IKZF2: variants seen among roughly 807,000 people sequenced by gnomAD.
IKZF2 encodes the protein zinc finger protein Helios.
Under a neutral mutation model 49.2 loss-of-function variants are expected in IKZF2, and 15 were observed. The observed-to-expected ratio is 0.30, with a 90% confidence interval of 0.20 to 0.47. The LOEUF (loss-of-function observed/expected upper bound fraction) is 0.47, where lower values mean the gene tolerates loss of function less well. Among genes scored for constraint, IKZF2 ranks in the 20% least tolerant of loss-of-function variants. The pLI, the probability that IKZF2 is intolerant of heterozygous loss-of-function variation, is 1.00. For synonymous variants in IKZF2, 227 were observed against 221.4 expected (o/e 1.03, Z -0.23); for missense variants, 567 against 664.6 (o/e 0.85, Z 1.61).
intron 4 of IKZF2, among the ~76,000 whole-genome samples, chr2:213,119,805 G>A (rs2059992244): frequency 6.6e-6 from 1 of 152,158 alleles, no homozygotes. Context: ...TGTGATATCA[G>A]ATTAAAATTG....
intron 7 of IKZF2, chr2:213,014,168 G>T: frequency 3.4e-6 from 1 of 298,032 alleles, no homozygotes. Context: ...TACATACACT[G>T]TTGCCACTAT....
intron 4 of IKZF2, among the ~76,000 whole-genome samples, chr2:213,078,629 C>T (rs998677048): frequency 6.6e-5 from 10 of 152,144 alleles, no homozygotes; most frequent in African/African-American, 2.2e-4. Context: ...TTTTGCTTTG[C>T]CCTCTAAATA....
In IKZF2 at chr2:213,136,383, A is replaced by AG. The variant is rs1232670342; in HGVS notation, c.139+11324_139+11325insC. On this transcript the variant is annotated intron_variant, in intron 4 of 8. Coordinates refer to ENST00000434687, the MANE Select transcript of IKZF2 (RefSeq NM_001387220.1). Reference sequence around the variant, plus strand: ...GGGACACTGTCTCAAAAAAAAAAAAAAAAAAAAAGAAAAAGAAAAAGAAAA... The same window carrying AG: ...GGGACACTGTCTCAAAAAAAAAAAAAGAAAAAAAAGAAAAAGAAAAAGAAAA... Among the ~76,000 whole-genome samples, 36 of 110,514 alleles carry AG rather than the reference A, an allele frequency of 3.3e-4. No homozygotes were observed. In the East Asian group the frequency reaches 3.8e-3, roughly 12 times the overall value. The allele number at this position is 110,514 out of a possible 152,430, so 72.5% of individuals were successfully genotyped here.
chr2:213,022,224 C>A (rs1697307673), intron 6 of IKZF2, 94 bp from the exon 7 acceptor site: 4 of 1,217,230 alleles, frequency 3.3e-6, no homozygotes, highest in Non-Finnish European at 4.4e-6. Flanking sequence ...AGGAAGCACT[C>A]ATATAATTTT....
At position 213,007,157 on chromosome 2, in the gene IKZF2, G is replaced by A. The variant is rs143069210; in HGVS notation, c.*203C>T. On this transcript the variant is annotated 3_prime_UTR_variant, in exon 9 of 9. Coordinates refer to ENST00000434687, the MANE Select transcript of IKZF2 (RefSeq NM_001387220.1). ...CAGGTGATAAAGAAACAATATTCCC[G>A]CCCCTTCTCTCTTCTGTTTCTTCCT... is the stretch of plus-strand genomic sequence containing the variant. 21 of 518,504 alleles carry A rather than the reference G, an allele frequency of 4.1e-5. No individual in the cohort carries two copies. The East Asian group carries it at 4.5e-4, about 11-fold the overall frequency. 32.1% of individuals were successfully genotyped at this position (518,504 alleles called of 1,614,324 possible). A position where few individuals can be genotyped will look rare whatever the true frequency, so the allele number is the denominator to read the frequency against.
chr2:213,117,113 C>T (rs948287009), intron 4 of IKZF2, among the ~76,000 whole-genome samples: 1 of 152,038 alleles, frequency 6.6e-6, no homozygotes, highest in African/African-American at 2.4e-5. Flanking sequence ...TCTGAGTATT[C>T]TGTGCTGAAC....
intron 4 of IKZF2, among the ~76,000 whole-genome samples, chr2:213,129,620 A>G (rs2060405880): frequency 1.3e-5 from 2 of 152,142 alleles, no homozygotes; most frequent in Non-Finnish European, 2.9e-5. Flanking sequence ...TTCTAGTTTC[A>G]GTGGAAAGCT....
chr2:213,124,253 C>CGCGT (rs61480978), intron 4 of IKZF2, among the ~76,000 whole-genome samples: 1 of 24,240 alleles, frequency 4.1e-5, no homozygotes, highest in Non-Finnish European at 9.6e-5. Context: ...CGCGCGCGCG[C>CGCGT]ACACACACAC....
intron 4 of IKZF2, among the ~76,000 whole-genome samples, chr2:213,127,460 T>C (rs544544634): frequency 3.2e-4 from 49 of 152,302 alleles, no homozygotes; most frequent in African/African-American, 1.1e-3. Flanking sequence ...ACTAAGATAC[T>C]ATTTTCCAAA....
At chr2:213,021,734 T>C (rs181401958) in intron 7 of IKZF2, 98 of 530,292 alleles carry the variant, frequency 1.8e-4, no homozygotes, top group African/African-American at 1.7e-3. Context: ...GTTAGAAAAA[T>C]GAAAAAGAAG....
chr2:213,131,982 G>A (rs1348979950), intron 4 of IKZF2, among the ~76,000 whole-genome samples: 2 of 152,164 alleles, frequency 1.3e-5, no homozygotes, highest in Admixed American at 1.3e-4. Flanking sequence ...GTTAGCTTCT[G>A]TGGAAAAGAT....
intron 4 of IKZF2, among the ~76,000 whole-genome samples, chr2:213,126,307 T>C (rs2060256905): frequency 6.6e-6 from 1 of 152,152 alleles, no homozygotes; most frequent in South Asian, 2.1e-4. Context: ...CCTTATGTTA[T>C]GTGTGTTGAT....
chr2:213,056,836 T>C lies in IKZF2; in HGVS notation c.403A>G (p.Thr135Ala), dbSNP rs1313955683. ...NVLMVHKRSHTGERPFHCNQC... is the reference protein window; with the variant it reads ...NVLMVHKRSHAGERPFHCNQC... ...GGTTATTCTTTCAGCTGCTTACCAG[T>C]GTGACTCCTTTTATGTACCATAAGC... Residue 135 changes from threonine (T) to alanine (A), a missense_variant, in exon 5 of 9, where the codon ACT becomes GCT. Physicochemically the swap from Thr to Ala is moderately conservative, Grantham distance 58. This residue lies in a region of IKZF2 where 54 missense variants were observed against 119.9 expected (regional missense o/e 0.45). Transcript: ENST00000434687. The C allele has an allele frequency of 6.2e-7, 1 of 1,613,742 alleles. No individual in the cohort carries two copies. Among genetic ancestry groups the C allele is most frequent in the Admixed American group, 1.7e-5 (1 of 59,956 alleles).
At chr2:213,056,746 T>C (rs559943318) in intron 5 of IKZF2, 87 bp downstream of exon 5, 25 of 1,529,262 alleles carry the variant, frequency 1.6e-5, no homozygotes, top group Non-Finnish European at 4.5e-6. Context: ...CTGCCACCCC[T>C]GAATAAAAAG....
rs189505357 is a variant in IKZF2 at position 213,074,233 on chromosome 2, C to T, written c.140-17134G>A. Among the ~76,000 whole-genome samples, 4 of 152,274 alleles carry T rather than the reference C, an allele frequency of 2.6e-5. No homozygotes were observed. The East Asian group carries it at 7.7e-4, about 29-fold the overall frequency. ...CATAAAATCAACTATCACCTAACTACAGGAATGTGCTCTGAGAAATGTGTC... is the reference window on the plus strand; with the variant it reads ...CATAAAATCAACTATCACCTAACTATAGGAATGTGCTCTGAGAAATGTGTC... On this transcript the variant is annotated intron_variant, in intron 4 of 8. Transcript: ENST00000434687.
chr2:213,116,495 G>T (rs2059879352), intron 4 of IKZF2, among the ~76,000 whole-genome samples: 1 of 152,170 alleles, frequency 6.6e-6, no homozygotes, highest in South Asian at 2.1e-4. Flanking sequence ...AGCATTTTGG[G>T]AGGCCAAGGC....
At chr2:213,012,965 C>G (rs1696137443) in intron 8 of IKZF2, among the ~76,000 whole-genome samples, 1 of 151,698 alleles carries the variant, frequency 6.6e-6, no homozygotes, top group South Asian at 2.1e-4. Flanking sequence ...TTAAAAAGTC[C>G]ATGCTTTTTG....
intron 4 of IKZF2, among the ~76,000 whole-genome samples, chr2:213,086,201 C>T (rs565972270): frequency 6.6e-6 from 1 of 152,258 alleles, no homozygotes; most frequent in African/African-American, 2.4e-5. Context: ...TTCAACAATA[C>T]TTCTTGGTAT....
intron 4 of IKZF2, among the ~76,000 whole-genome samples, chr2:213,130,337 AATGCTTTGT>A (rs534525260): frequency 7.7e-4 from 117 of 152,316 alleles, no homozygotes; most frequent in African/African-American, 2.8e-3. Context: ...TAGAGCAATA[AATGCTTTGT>A]TATAAACTGA....
Sources: gnomAD v4.1 joint callset for allele counts (sites outside exome capture counted in the v4.1 genomes callset) on GRCh38, gnomAD v4.1.1 for gene constraint, gnomAD v4.1.1 regional missense constraint, MANE v1.5 for transcripts, NCBI Gene and HGNC (gene_info 2026-07-23, HGNC 2026-07-21) for gene names.